MYOG: variants seen among roughly 807,000 people sequenced by gnomAD.
MYOG encodes class C basic helix-loop-helix protein 3.
MYOG carries 6 observed loss-of-function variants against 17.7 expected under a neutral mutation model. That is an observed-to-expected ratio of 0.34 (90% CI 0.19 to 0.67). The LOEUF is 0.67. Ranked by LOEUF, MYOG falls within the 30% of genes least tolerant of loss-of-function variation. The probability of loss-of-function intolerance (pLI) is 0.69; values close to 1 mark genes in which losing one functional copy is unlikely to be tolerated. For missense variants in MYOG, 272 were observed against 302.0 expected (o/e 0.90, Z 0.74); for synonymous variants, 125 against 130.2 (o/e 0.96, Z 0.27).
At position 203,083,528 on chromosome 1, in the gene MYOG, T is replaced by C; in HGVS notation, c.*382A>G. 6.3e-6 allele frequency: 3 copies of C among 474,350 alleles called. No individual in the cohort carries two copies. Among genetic ancestry groups the C allele is most frequent in the Non-Finnish European group, 1.1e-5 (3 of 269,598 alleles). The allele number at this position is 474,350 out of a possible 1,614,324, so 29.4% of individuals were successfully genotyped here. A position where few individuals can be genotyped will look rare whatever the true frequency, so the allele number is the denominator to read the frequency against. ...ACCAGAACAGGAGACGTGCACAGCT[T>C]GTCCAGGTCAGGGCACTGCGTCTCT... On this transcript the variant is annotated 3_prime_UTR_variant, in exon 3 of 3. Transcript: ENST00000241651.
rs1653538989 is a variant in MYOG at position 203,083,508 on chromosome 1, A to G, written c.*402T>C. ...GCCACTGGCATCGGGAAGAGACCAGAACAGGAGACGTGCACAGCTTGTCCA... is the reference window on the plus strand; with the variant it reads ...GCCACTGGCATCGGGAAGAGACCAGGACAGGAGACGTGCACAGCTTGTCCA... On this transcript the variant is annotated 3_prime_UTR_variant, in exon 3 of 3. Transcript: ENST00000241651. The G allele has an allele frequency of 4.4e-6, 2 of 452,270 alleles. No homozygotes were observed. The highest frequency in any genetic ancestry group is 7.8e-6 in the Non-Finnish European group (2 of 257,082). 28.0% of individuals were successfully genotyped at this position (452,270 alleles called of 1,614,324 possible). A position where few individuals can be genotyped will look rare whatever the true frequency, so the allele number is the denominator to read the frequency against.
chr1:203,084,263 G>C (rs2102714218), intron 2 of MYOG, among the ~76,000 whole-genome samples: 1 of 140,006 alleles, frequency 7.1e-6, no homozygotes, highest in South Asian at 2.2e-4. Flanking sequence ...TCCCCTAGTA[G>C]GTAGGGTTTG....
intron 1 of MYOG, among the ~76,000 whole-genome samples, chr1:203,085,248 A>G (rs1385846365): frequency 3.9e-5 from 6 of 152,036 alleles, no homozygotes; most frequent in South Asian, 2.1e-4. Flanking sequence ...CTTCAGTCCT[A>G]TGTTCCCCAC....
chr1:203,085,362 T>A, intron 1 of MYOG, 129 bp downstream of exon 1: 1 of 829,350 alleles, frequency 1.2e-6, no homozygotes, highest in Admixed American at 2.9e-5. Context: ...AGGGAAGGGC[T>A]CCTGCAGCCC....
chr1:203,084,692 T>C lies in MYOG; in HGVS notation c.508A>G (p.Ser170Gly). Residue 170 changes from serine to glycine, a missense_variant, in exon 2 of 3, where the codon AGT becomes GGT. Ser to Gly is a moderately conservative substitution (Grantham distance 56). Transcript: ENST00000241651. ...SECSSHSASC[S>G]PEWGSALEFS... ...TCCAGTGCACTGCCCCACTCTGGAC[T>C]GCAGGAGGCGCTGTGAGAGCTGCAT... 1 of 1,611,894 alleles carries C rather than the reference T, an allele frequency of 6.2e-7. No homozygotes were observed. The highest frequency in any genetic ancestry group is 1.1e-5 in the South Asian group (1 of 90,460).
At chr1:203,084,869 C>G in intron 1 of MYOG, 141 bp from the exon 2 acceptor site, 5 of 775,432 alleles carry the variant, frequency 6.4e-6, no homozygotes, top group Non-Finnish European at 1.1e-5. Flanking sequence ...CAGGCCATCC[C>G]CAACCCCAGA....
Position 203,085,659 on chromosome 1 carries a change from G to T in MYOG, c.303C>A (p.Phe101Leu). The change falls in exon 1 of 3, where the codon TTC (phenylalanine) becomes TTA (leucine). Residue 101 changes from phenylalanine (F) to leucine (L), a missense_variant. Transcript: ENST00000241651. ...GCAGGGTGCTTCTCTTCAGGGCCTC[G>T]AAGGCCTCATTCACCTTCTTGAGCC... is the stretch of plus-strand genomic sequence containing the variant. Reference protein sequence around the residue: ...KRRLKKVNEAFEALKRSTLLN... With the variant: ...KRRLKKVNEALEALKRSTLLN... 1.2e-6 allele frequency: 2 copies of T among 1,614,160 alleles called. No homozygotes were observed. The highest frequency in any genetic ancestry group is 1.7e-6 in the Non-Finnish European group (2 of 1,180,008).
Position 203,083,878 on chromosome 1 carries a change from G to T in MYOG, c.*32C>A, listed in dbSNP as rs759513722. 35 of 1,576,194 alleles carry T rather than the reference G, an allele frequency of 2.2e-5. No homozygotes were observed. In the Admixed American group the frequency reaches 4.5e-4, roughly 20 times the overall value. ...GTGGCATCTGTGGCCAGCTTGGGGGGCTCGCAAGGATGCCCGGCTTGGAAG... is the reference window on the plus strand; with the variant it reads ...GTGGCATCTGTGGCCAGCTTGGGGGTCTCGCAAGGATGCCCGGCTTGGAAG... On this transcript the variant is annotated 3_prime_UTR_variant, in exon 3 of 3. Coordinates refer to ENST00000241651, the MANE Select transcript of MYOG (RefSeq NM_002479.6).
rs528601818 is a variant in MYOG, at chr1:203,083,722, G to A, written c.*188C>T. On this transcript the variant is annotated 3_prime_UTR_variant, in exon 3 of 3. Transcript: ENST00000241651. ...TCTAAGGAGGCAGCTGAATGAGGGC[G>A]TCCAGTCCCTTGCTGGGGGGTGGGT... 93 of 837,782 alleles carry A rather than the reference G, an allele frequency of 1.1e-4. 1 individual carries two copies. Among genetic ancestry groups the A allele is most frequent in the South Asian group, 9.3e-4 (55 of 59,312 alleles). 51.9% of individuals were successfully genotyped at this position (837,782 alleles called of 1,614,324 possible). A position where few individuals can be genotyped will look rare whatever the true frequency, so the allele number is the denominator to read the frequency against.
chr1:203,085,619 G>A lies in MYOG; in HGVS notation c.343C>T (p.Arg115Trp), dbSNP rs1299279277. The A allele has an allele frequency of 7.4e-6, 12 of 1,614,036 alleles. No homozygotes were observed. Among genetic ancestry groups the A allele is most frequent in the South Asian group, 6.6e-5 (6 of 91,088 alleles). ...KRSTLLNPNQ[R>W]LPKVEILRSA... Reference sequence around the variant, plus strand: ...CGCAGGATCTCCACCTTGGGCAGCCGCTGGTTGGGGTTGAGCAGGGTGCTT... The same window carrying A: ...CGCAGGATCTCCACCTTGGGCAGCCACTGGTTGGGGTTGAGCAGGGTGCTT... Residue 115 changes from arginine (R) to tryptophan (W), a missense_variant, in exon 1 of 3, where the codon CGG (arginine) becomes TGG (tryptophan). Arg to Trp is a moderately radical substitution (Grantham distance 101, BLOSUM62 -3). Coordinates refer to ENST00000241651, the MANE Select transcript of MYOG (RefSeq NM_002479.6).
intron 1 of MYOG, 48 bp from the exon 2 acceptor site, chr1:203,084,776 A>T (rs541869070): frequency 6.5e-7 from 1 of 1,539,884 alleles, no homozygotes; most frequent in South Asian, 1.2e-5. Context: ...CCATTCTTTG[A>T]TGTCTCTCTC....
Position 203,085,829 on chromosome 1 carries a change from C to T in MYOG, c.133G>A (p.Glu45Lys), listed in dbSNP as rs150337281. 229 of 1,613,838 alleles carry T rather than the reference C, an allele frequency of 1.4e-4. No individual in the cohort carries two copies. Among genetic ancestry groups the T allele is most frequent in the South Asian group, 2.9e-4 (26 of 91,076 alleles). Residue 45 changes from glutamate to lysine, a missense_variant, in exon 1 of 3, where the codon GAG becomes AAG. Coordinates refer to ENST00000241651, the MANE Select transcript of MYOG (RefSeq NM_002479.6). ...TTGTCCTCAAGGGGCCCTGGGGCCT[C>T]GGGGCTCAGGGTGAGCTCCGTCCGC... ...YERTELTLSP[E>K]APGPLEDKGL...
chr1:203,084,830 G>A, intron 1 of MYOG, 102 bp from the exon 2 acceptor site: 1 of 1,232,042 alleles, frequency 8.1e-7, no homozygotes. Context: ...GGGGTTGGAG[G>A]GTGGGCCACA....
rs1571760423 is a variant in MYOG, at chr1:203,083,218, T to C, written c.*692A>G. 1 of 138,100 alleles carries C rather than the reference T, an allele frequency of 7.2e-6. No individual in the cohort carries two copies. Among genetic ancestry groups the C allele is most frequent in the Non-Finnish European group, 1.6e-5 (1 of 63,786 alleles). The allele number at this position is 138,100 out of a possible 1,614,324, so 8.6% of individuals were successfully genotyped here. ...AAAAAAAAAAAAAAATACAAAACAA[T>C]GGCAAAACCACACAATGCTTTGTTA... On this transcript the variant is annotated 3_prime_UTR_variant, in exon 3 of 3. Transcript: ENST00000241651.
In MYOG at chr1:203,083,906, A is replaced by G; in HGVS notation, c.*4T>C. ...CGCAAGGATGCCCGGCTTGGAAGAC[A>G]ATCTCAGTTGGGCATGGTTTCATCT... On this transcript the variant is annotated 3_prime_UTR_variant, in exon 3 of 3. Transcript: ENST00000241651. 1.9e-6 allele frequency: 3 copies of G among 1,588,496 alleles called. No homozygotes were observed. The highest frequency in any genetic ancestry group is 2.6e-6 in the Non-Finnish European group (3 of 1,166,788).
chr1:203,085,348 G>T, intron 1 of MYOG, 143 bp downstream of exon 1: 4 of 743,256 alleles, frequency 5.4e-6, no homozygotes, highest in South Asian at 1.9e-5. Flanking sequence ...GCCCAGCTCT[G>T]ACCAGGGAAG....
In MYOG at chr1:203,084,019, GT is replaced by G; in HGVS notation, c.565del (p.Thr189ArgfsTer64). 1 of 1,596,984 alleles carries G rather than the reference GT, an allele frequency of 6.3e-7. No individual in the cohort carries two copies. The highest frequency in any genetic ancestry group is 8.5e-7 in the Non-Finnish European group (1 of 1,171,506). On this transcript the variant is annotated frameshift_variant, in exon 3 of 3. Transcript: ENST00000241651. LOFTEE classifies it high-confidence loss of function. The part of the protein sequence containing the change: ...FSANPGDHLL[T>X]ADPTDAHNLH... ...GTTGTGGGCATCTGTAGGGTCAGCC[GT>G]GAGCAGATGATCTGTAAGGGGAGGT...
In MYOG at chr1:203,084,180, T is replaced by C. The variant is rs944882658; in HGVS notation, c.554-149A>G. 8.8e-6 allele frequency: 7 copies of C among 792,536 alleles called. No homozygotes were observed. In the African/African-American group the frequency reaches 1.4e-4, roughly 16 times the overall value. 49.1% of individuals were successfully genotyped at this position (792,536 alleles called of 1,614,324 possible). A position where few individuals can be genotyped will look rare whatever the true frequency, so the allele number is the denominator to read the frequency against. Reference sequence around the variant, plus strand: ...AGTTCTACTCCCTAGTCCCTGCCTTTCCCCATGCTCTGTGAGTGTGTGTGT... The same window carrying C: ...AGTTCTACTCCCTAGTCCCTGCCTTCCCCCATGCTCTGTGAGTGTGTGTGT... On this transcript the variant is annotated intron_variant, in intron 2 of 2. Coordinates refer to ENST00000241651, the MANE Select transcript of MYOG (RefSeq NM_002479.6).
chr1:203,085,116 C>G (rs995769226), intron 1 of MYOG, among the ~76,000 whole-genome samples: 1 of 152,194 alleles, frequency 6.6e-6, no homozygotes, highest in African/African-American at 2.4e-5. Flanking sequence ...TCAGCCACAC[C>G]CAGGATGGGG....
Sources: allele counts gnomAD v4.1 joint callset (sites outside exome capture counted in the v4.1 genomes callset), GRCh38; gene constraint gnomAD v4.1.1; transcripts MANE v1.5; gene names NCBI Gene and HGNC (gene_info 2026-07-23, HGNC 2026-07-21).